Variants in DSTN observed in about 807,000 individuals in gnomAD.
DSTN encodes the protein destrin.
In DSTN, 10 loss-of-function variants were observed where a neutral mutation model predicts 16.8. The ratio of observed to expected loss-of-function variants is 0.60; its 90% CI spans 0.37 to 1.01. The LOEUF (loss-of-function observed/expected upper bound fraction) is 1.01. Ranked by LOEUF, DSTN falls within the 50% of genes least tolerant of loss-of-function variation. DSTN has a pLI of 0.01. For missense variants in DSTN, 141 were observed against 196.7 expected (o/e 0.72, Z 1.69); for synonymous variants, 57 against 58.9 (o/e 0.97, Z 0.14).
At chr20:17,573,896 TA>T (rs11476341) in intron 1 of DSTN, among the ~76,000 whole-genome samples, 68,614 of 137,130 alleles carry the variant, frequency 0.5, 19,091 homozygotes, top group Non-Finnish European at 0.64. Context: ...AATGTAGCAG[TA>T]AAAAAAAAAA....
At chr20:17,591,900 GTCT>G in intron 1 of DSTN, 1 of 985,304 alleles carries the variant, frequency 1.0e-6, no homozygotes, top group African/African-American at 1.7e-5. Flanking sequence ...TTTAATCATT[GTCT>G]TCTTTCCATC....
intron 3 of DSTN, 90 bp from the exon 4 acceptor site, chr20:17,606,947 A>T: frequency 8.0e-7 from 1 of 1,243,242 alleles, no homozygotes; most frequent in Non-Finnish European, 1.2e-6. Flanking sequence ...TATCCAGATT[A>T]GAACTGGTCT....
intron 1 of DSTN, among the ~76,000 whole-genome samples, chr20:17,584,386 A>G (rs2035383466): frequency 6.6e-6 from 1 of 152,218 alleles, no homozygotes; most frequent in African/African-American, 2.4e-5. Flanking sequence ...ACAGTGGCTC[A>G]CGCCTGTAAT....
At chr20:17,581,416 G>A (rs188734109) in intron 1 of DSTN, among the ~76,000 whole-genome samples, 261 of 152,308 alleles carry the variant, frequency 1.7e-3, no homozygotes, top group Middle Eastern at 6.8e-3. Flanking sequence ...CCAGGAGGTC[G>A]AGGCTATGGT....
intron 1 of DSTN, among the ~76,000 whole-genome samples, chr20:17,574,141 C>T (rs367562341): frequency 1.3e-5 from 2 of 152,258 alleles, no homozygotes; most frequent in East Asian, 1.9e-4. Context: ...GTGTTAGAGG[C>T]TTCTGTGAGC....
At chr20:17,579,085 C>T (rs964503157) in intron 1 of DSTN, among the ~76,000 whole-genome samples, 2 of 151,482 alleles carry the variant, frequency 1.3e-5, no homozygotes, top group Admixed American at 1.3e-4. Context: ...TTAAACTGTA[C>T]TGCCACATTA....
At chr20:17,581,947 C>G (rs1038097454) in intron 1 of DSTN, among the ~76,000 whole-genome samples, 5 of 151,904 alleles carry the variant, frequency 3.3e-5, no homozygotes, top group Non-Finnish European at 7.4e-5. Flanking sequence ...TTCTTTTAAG[C>G]CATTTAATAT....
rs1284204539 is a variant in DSTN at position 17,575,485 on chromosome 20, CAG to C, written c.3+5275_3+5276del. Among the ~76,000 whole-genome samples the C allele has an allele frequency of 2.1e-5, 3 of 145,792 alleles. No individual in the cohort carries two copies. The Admixed American group carries it at 2.1e-4, about 10-fold the overall frequency. On this transcript the variant is annotated intron_variant, in intron 1 of 3. Coordinates refer to ENST00000246069, the MANE Select transcript of DSTN (RefSeq NM_006870.4). The stretch of plus-strand genomic sequence containing the variant: ...AAGCATTTTTTTTTTTTTTTGGAGA[CAG>C]GGTCTCATTCTGTTAACCTAGGCTG...
chr20:17,578,054 T>C (rs1353350263), intron 1 of DSTN, among the ~76,000 whole-genome samples: 2 of 152,262 alleles, frequency 1.3e-5, no homozygotes, highest in Non-Finnish European at 2.9e-5. Context: ...CCTAAGACTT[T>C]GTGAGTTGGC....
chr20:17,596,691 C>A, intron 1 of DSTN: 1 of 985,288 alleles, frequency 1.0e-6, no homozygotes, highest in Non-Finnish European at 1.2e-6. Flanking sequence ...TGTTAATTTC[C>A]TCAAGCACAA....
intron 1 of DSTN, among the ~76,000 whole-genome samples, chr20:17,581,028 T>A (rs1288618815): frequency 6.6e-6 from 1 of 152,138 alleles, no homozygotes; most frequent in East Asian, 1.9e-4. Context: ...AAAGGGCCAT[T>A]AGGTCAAAGG....
chr20:17,597,287 G>A (rs1245468548), intron 1 of DSTN, among the ~76,000 whole-genome samples: 1 of 152,148 alleles, frequency 6.6e-6, no homozygotes, highest in Admixed American at 6.6e-5. Context: ...TTATTAGAGT[G>A]AATGTTCATT....
At chr20:17,574,559 CTA>C (rs1491466063) in intron 1 of DSTN, among the ~76,000 whole-genome samples, 3 of 151,828 alleles carry the variant, frequency 2.0e-5, no homozygotes, top group African/African-American at 7.3e-5. Flanking sequence ...TAAAACTTCT[CTA>C]AAAAATTAAA....
chr20:17,600,693 CA>C, intron 1 of DSTN, 44 bp from the exon 2 acceptor site: 1 of 1,499,896 alleles, frequency 6.7e-7, no homozygotes, highest in East Asian at 2.3e-5. Context: ...ATGTTTGGCA[CA>C]ATAAAAATTG....
chr20:17,605,138 G>T, intron 3 of DSTN: 1 of 456,364 alleles, frequency 2.2e-6, no homozygotes, highest in Non-Finnish European at 4.4e-6. Context: ...GAGCTGGTCA[G>T]TTGTATTTGA....
At chr20:17,604,028 T>C (rs1164928869) in intron 2 of DSTN, among the ~76,000 whole-genome samples, 1 of 152,208 alleles carries the variant, frequency 6.6e-6, no homozygotes, top group Admixed American at 6.5e-5. Context: ...TTTGATTTAT[T>C]CTTTTTTAGA....
chr20:17,607,095 T>A lies in DSTN; in HGVS notation c.447T>A (p.Ala149=), dbSNP rs1383006381. ...GPEDLNRACI[A]EKLGGSLIVA... is the part of the protein sequence containing the mutation. ...AAGATCTCAATCGGGCTTGTATTGC[T>A]GAAAAGTTAGGTGGATCCTTAATTG... Residue 149 remains alanine (A), a synonymous_variant, in exon 4 of 4, where the codon GCT becomes GCA. Transcript: ENST00000246069. 6.2e-7 allele frequency: 1 copy of A among 1,613,214 alleles called. No homozygotes were observed. Among genetic ancestry groups the A allele is most frequent in the South Asian group, 1.1e-5 (1 of 91,036 alleles).
chr20:17,570,663 C>G (rs1056275055), intron 1 of DSTN, among the ~76,000 whole-genome samples: 5 of 152,234 alleles, frequency 3.3e-5, no homozygotes, highest in Non-Finnish European at 7.3e-5. Context: ...CGCTTGGTGA[C>G]TTGTGCGCGT....
chr20:17,609,793 A>G lies in DSTN; in HGVS notation c.*2647A>G, dbSNP rs930623532. ...CAAGTATACTCTGTTTCCAGAAAAT[A>G]CGTTTACCTCTTCACAAATGCTAAC... On this transcript the variant is annotated 3_prime_UTR_variant, in exon 4 of 4. Transcript: ENST00000246069. 3.3e-5 allele frequency: 5 copies of G among 152,224 alleles called. No individual in the cohort carries two copies. Among genetic ancestry groups the G allele is most frequent in the Non-Finnish European group, 5.9e-5 (4 of 68,044 alleles). 9.4% of individuals were successfully genotyped at this position (152,224 alleles called of 1,614,324 possible).
Sources: gnomAD v4.1 joint callset for allele counts (sites outside exome capture counted in the v4.1 genomes callset) on GRCh38, gnomAD v4.1.1 for gene constraint, MANE v1.5 for transcripts, NCBI Gene and HGNC (gene_info 2026-07-23, HGNC 2026-07-21) for gene names.